The following KATNIP variants were observed in gnomAD, a reference collection of about 807,000 sequenced individuals.
KATNIP encodes katanin interacting protein.
A neutral mutation model predicts 174.0 loss-of-function variants in KATNIP; 126 were observed. The ratio of observed to expected loss-of-function variants is 0.72; its 90% CI spans 0.63 to 0.84. KATNIP has a LOEUF of 0.84. Ranked by LOEUF, KATNIP falls within the 40% of genes least tolerant of loss-of-function variation. The probability of loss-of-function intolerance (pLI) is 0.00; values close to 1 mark genes in which losing one functional copy is unlikely to be tolerated. For synonymous variants in KATNIP, 810 were observed against 835.7 expected (o/e 0.97, Z 0.53); for missense variants, 1,958 against 2,109.7 (o/e 0.93, Z 1.41).
At chr16:27,634,930 T>TG (rs1244393275) in intron 5 of KATNIP, among the ~76,000 whole-genome samples, 2 of 152,220 alleles carry the variant, frequency 1.3e-5, no homozygotes, top group African/African-American at 4.8e-5. Context: ...CGGAGGAGTT[T>TG]GGGGCCAGTG....
In KATNIP at chr16:27,713,854, A is replaced by ATATATCTATC. The variant is rs1555482296; in HGVS notation, c.1605+4937_1605+4938insATCTATCTAT. On this transcript the variant is annotated intron_variant, in intron 13 of 27. Transcript: ENST00000261588. ...TATATATATATATATATATATATATATATCTATCTCAGATTGTGCCCTTCC... is the reference window on the plus strand; with the variant it reads ...TATATATATATATATATATATATATATATATCTATCTATCTATCTCAGATTGTGCCCTTCC... Among the ~76,000 whole-genome samples the ATATATCTATC allele has an allele frequency of 2.0e-4, 14 of 69,334 alleles. 1 individual carries two copies. The highest frequency in any genetic ancestry group is 1.4e-4 in the Non-Finnish European group (5 of 36,234). 45.5% of individuals were successfully genotyped at this position (69,334 alleles called of 152,430 possible). A position where few individuals can be genotyped will look rare whatever the true frequency, so the allele number is the denominator to read the frequency against.
intron 12 of KATNIP, 25 bp from the exon 13 acceptor site, chr16:27,708,680 T>C: frequency 6.3e-7 from 1 of 1,579,024 alleles, no homozygotes; most frequent in Non-Finnish European, 8.7e-7. Flanking sequence ...CTTAATCCTT[T>C]GGTGTTATTT....
intron 6 of KATNIP, among the ~76,000 whole-genome samples, chr16:27,653,462 C>A (rs1473985915): frequency 6.6e-6 from 1 of 151,952 alleles, no homozygotes; most frequent in African/African-American, 2.4e-5. Flanking sequence ...TCCCTTCAGT[C>A]TTCCTTCATT....
chr16:27,742,882 C>T lies in KATNIP; in HGVS notation c.2623+1962C>T, dbSNP rs917659123. Among the ~76,000 whole-genome samples, 3 of 151,692 alleles carry T rather than the reference C, an allele frequency of 2.0e-5. No individual in the cohort carries two copies. The East Asian group carries it at 5.8e-4, about 29-fold the overall frequency. ...CTTTTATTTTGGGTTCTGGGGTACACGTGCAGGATGTGCAGGTTTGTTACA... is the reference window on the plus strand; with the variant it reads ...CTTTTATTTTGGGTTCTGGGGTACATGTGCAGGATGTGCAGGTTTGTTACA... On this transcript the variant is annotated intron_variant, in intron 15 of 27. Transcript: ENST00000261588.
intron 6 of KATNIP, chr16:27,654,799 C>T: frequency 1.5e-6 from 2 of 1,327,670 alleles, no homozygotes; most frequent in Non-Finnish European, 2.0e-6. Context: ...AGCCAAGCAG[C>T]TGTGCCTGCC....
At chr16:27,557,553 A>G (rs2089681713) in intron 1 of KATNIP, among the ~76,000 whole-genome samples, 1 of 151,096 alleles carries the variant, frequency 6.6e-6, no homozygotes, top group Non-Finnish European at 1.5e-5. Context: ...TCAGCTGTCC[A>G]AGTAGCTGGG....
intron 6 of KATNIP, among the ~76,000 whole-genome samples, chr16:27,664,378 A>G (rs1360924838): frequency 6.6e-6 from 1 of 152,214 alleles, no homozygotes; most frequent in Non-Finnish European, 1.5e-5. Context: ...AGTTCTCAAT[A>G]TATCTGTTAA....
chr16:27,653,633 A>G (rs2077181815), intron 6 of KATNIP, among the ~76,000 whole-genome samples: 1 of 149,932 alleles, frequency 6.7e-6, no homozygotes, highest in Non-Finnish European at 1.5e-5. Flanking sequence ...GGATTATACC[A>G]TCCATGCTAT....
intron 2 of KATNIP, among the ~76,000 whole-genome samples, chr16:27,591,180 ACTTT>A (rs1463169546): frequency 2.0e-5 from 3 of 149,776 alleles, no homozygotes; most frequent in African/African-American, 4.9e-5. Context: ...ATGGAGTTGC[ACTTT>A]CTTTCTTTTT....
chr16:27,721,824 A>G, intron 14 of KATNIP, 129 bp downstream of exon 14: 1 of 1,002,808 alleles, frequency 1.0e-6, no homozygotes, highest in Non-Finnish European at 1.4e-6. Context: ...TGTGTGCAGC[A>G]AGAGCCTGCT....
chr16:27,747,534 A>G (rs763853534), intron 15 of KATNIP, among the ~76,000 whole-genome samples: 18 of 152,130 alleles, frequency 1.2e-4, no homozygotes, highest in Non-Finnish European at 2.6e-4. Flanking sequence ...GCAATTCCAC[A>G]TGTACATCCT....
chr16:27,560,131 A>G (rs1006902316), intron 1 of KATNIP, among the ~76,000 whole-genome samples: 3 of 151,646 alleles, frequency 2.0e-5, no homozygotes, highest in Admixed American at 1.3e-4. Flanking sequence ...AAAATACAAA[A>G]ATTAGCCGGG....
At chr16:27,585,878 G>A (rs1243206059) in intron 2 of KATNIP, among the ~76,000 whole-genome samples, 1 of 152,164 alleles carries the variant, frequency 6.6e-6, no homozygotes, top group Admixed American at 6.5e-5. Flanking sequence ...GAGGCAGGCG[G>A]ATCACTTGAG....
chr16:27,777,664 C>T lies in KATNIP; in HGVS notation c.4606C>T (p.Leu1536=), dbSNP rs1567440072. 8 of 1,614,012 alleles carry T rather than the reference C, an allele frequency of 5.0e-6. No individual in the cohort carries two copies. Among genetic ancestry groups the T allele is most frequent in the Admixed American group, 1.7e-5 (1 of 60,026 alleles). ...TGGGATCCTGGCCATGGTGAGCCAC[C>T]TGGTGGGGGGCATCCTGCCCACATG... ...YNGILAMVSH[L]VGGILPTCEP... Residue 1536 remains leucine, a synonymous_variant, in exon 26 of 28, where the codon CTG becomes TTG. Coordinates refer to ENST00000261588, the MANE Select transcript of KATNIP (RefSeq NM_015202.5). This position sits in a 1 kb window ranked among gnomAD's most constrained non-coding sequence, Gnocchi z 4.4.
chr16:27,570,912 A>G (rs1321375999), intron 1 of KATNIP, among the ~76,000 whole-genome samples: 2 of 152,370 alleles, frequency 1.3e-5, no homozygotes, highest in East Asian at 3.9e-4. Context: ...GGCTAAGAGA[A>G]AAGGCTTCTG....
Position 27,560,022 on chromosome 16 carries a change from G to A in KATNIP, c.7+9845G>A, listed in dbSNP as rs1023653564. ...AAAAAATCCAGGTGTGGTGGCTCAC[G>A]CCTGCAATCCCAACACTTTGGGAGA... is the stretch of plus-strand genomic sequence containing the variant. On this transcript the variant is annotated intron_variant, in intron 1 of 27. Transcript: ENST00000261588. Among the ~76,000 whole-genome samples, 5 of 150,168 alleles carry A rather than the reference G, an allele frequency of 3.3e-5. No individual in the cohort carries two copies. In the East Asian group the frequency reaches 5.9e-4, roughly 18 times the overall value.
chr16:27,654,478 C>T lies in KATNIP; in HGVS notation c.540+5743C>T, dbSNP rs944094435. The T allele has an allele frequency of 5.6e-6, 4 of 720,028 alleles. No homozygotes were observed. The African/African-American group carries it at 7.3e-5, about 13-fold the overall frequency. The allele number at this position is 720,028 out of a possible 1,614,324, so 44.6% of individuals were successfully genotyped here. On this transcript the variant is annotated intron_variant, in intron 6 of 27. Coordinates refer to ENST00000261588, the MANE Select transcript of KATNIP (RefSeq NM_015202.5). Reference sequence around the variant, plus strand: ...AGAGTGATCAGATCCACTTTAGGAGCAAGAGCAGAGGGTGATTTAATGAGG... The same window carrying T: ...AGAGTGATCAGATCCACTTTAGGAGTAAGAGCAGAGGGTGATTTAATGAGG...
intron 8 of KATNIP, among the ~76,000 whole-genome samples, chr16:27,691,724 A>C (rs1228232532): frequency 6.6e-6 from 1 of 152,204 alleles, no homozygotes; most frequent in Non-Finnish European, 1.5e-5. Context: ...TTTTAAAAGC[A>C]TGTTCTTAGC....
intron 15 of KATNIP, 24 bp from the exon 16 acceptor site, chr16:27,749,560 C>A: frequency 2.0e-6 from 3 of 1,519,770 alleles, no homozygotes; most frequent in Non-Finnish European, 2.6e-6. Context: ...CAGGGCTTCC[C>A]CCCTCTTGTG....
Sources: gnomAD v4.1 joint callset for allele counts (sites outside exome capture counted in the v4.1 genomes callset) on GRCh38, gnomAD v4.1.1 for gene constraint, Gnocchi (gnomAD v3.1) non-coding constraint, MANE v1.5 for transcripts, NCBI Gene and HGNC (gene_info 2026-07-23, HGNC 2026-07-21) for gene names.